Variants in RHOBTB3 observed in about 807,000 individuals in gnomAD.
RHOBTB3 encodes the protein rho-related BTB domain-containing protein 3.
In RHOBTB3, 47 loss-of-function variants were observed where a neutral mutation model predicts 67.2. The observed-to-expected ratio is 0.70, with a 90% confidence interval of 0.55 to 0.89. RHOBTB3 has a LOEUF of 0.89. Ranked by LOEUF, RHOBTB3 falls within the 40% of genes least tolerant of loss-of-function variation. The pLI is 0.00. For synonymous variants in RHOBTB3, 273 were observed against 274.2 expected, an observed-to-expected ratio of 1.00 and a Z score of 0.04; for missense variants, 631 against 750.0, an observed-to-expected ratio of 0.84 and a Z score of 1.85.
rs1318083661 is a variant in RHOBTB3, at chr5:95,755,635, A to G, written c.922A>G (p.Ile308Val). 1.7e-5 allele frequency: 28 copies of G among 1,614,184 alleles called. No homozygotes were observed. Among genetic ancestry groups the G allele is most frequent in the East Asian group, 1.1e-4 (5 of 44,886 alleles). The change falls in exon 6 of 12, where the codon ATA becomes GTA. Residue 308 changes from isoleucine to valine, a missense_variant. Ile to Val is a conservative substitution (Grantham distance 29, BLOSUM62 3). Coordinates refer to ENST00000379982, the MANE Select transcript of RHOBTB3 (RefSeq NM_014899.4). ...IIRTTQDLFAINRDTAFPGAS... is the reference protein window; with the variant it reads ...IIRTTQDLFAVNRDTAFPGAS... ...CCGAACTACCCAGGATCTTTTTGCT[A>G]TAAACAGAGATACTGCATTTCCAGG...
chr5:95,777,638 T>C lies in RHOBTB3; in HGVS notation c.1283-2614T>C, dbSNP rs1377735827. On this transcript the variant is annotated intron_variant, in intron 8 of 11. Transcript: ENST00000379982. ...CCGCATTATGTTCCTTCAGCATATTTTTATATACAGTGTTGAAAGATCTAA... is the reference window on the plus strand; with the variant it reads ...CCGCATTATGTTCCTTCAGCATATTCTTATATACAGTGTTGAAAGATCTAA... Among the ~76,000 whole-genome samples the C allele has an allele frequency of 3.3e-5, 5 of 152,352 alleles. No homozygotes were observed. In the South Asian group the frequency reaches 8.3e-4, roughly 25 times the overall value.
chr5:95,789,828 G>A (rs552303842), intron 11 of RHOBTB3, among the ~76,000 whole-genome samples: 18 of 152,166 alleles, frequency 1.2e-4, no homozygotes, highest in Middle Eastern at 3.4e-3. Context: ...ATTTTACTTC[G>A]TAAAAAAGAC....
intron 3 of RHOBTB3, among the ~76,000 whole-genome samples, chr5:95,739,636 G>A (rs891584840): frequency 1.3e-5 from 2 of 152,068 alleles, no homozygotes; most frequent in African/African-American, 4.8e-5. Flanking sequence ...CTGCAACCTG[G>A]ACCTCCTGGG....
In RHOBTB3 at chr5:95,793,249, C is replaced by A; in HGVS notation, c.*75C>A. 3 of 962,624 alleles carry A rather than the reference C, an allele frequency of 3.1e-6. No individual in the cohort carries two copies. The highest frequency in any genetic ancestry group is 3.3e-5 in the South Asian group (2 of 61,514). 59.6% of individuals were successfully genotyped at this position (962,624 alleles called of 1,614,324 possible). On this transcript the variant is annotated 3_prime_UTR_variant, in exon 12 of 12. Transcript: ENST00000379982. ...GATACCTCCAGGTTCCAGTAAAATTCTTCTGACCGAAACCAATGTGGGTGT... is the reference window on the plus strand; with the variant it reads ...GATACCTCCAGGTTCCAGTAAAATTATTCTGACCGAAACCAATGTGGGTGT...
At chr5:95,749,351 T>A (rs151292875) in intron 4 of RHOBTB3, among the ~76,000 whole-genome samples, 91 of 152,350 alleles carry the variant, frequency 6.0e-4, no homozygotes, top group African/African-American at 2.0e-3. Context: ...GTTAAAATGT[T>A]GAGGTTCCAC....
chr5:95,730,922 G>GA (rs751072811), upstream of RHOBTB3: 1 of 459,224 alleles, frequency 2.2e-6, no homozygotes, highest in South Asian at 1.5e-5. Flanking sequence ...TCAAGGCCAA[G>GA]AGGGGGGGAA....
At chr5:95,778,673 A>G (rs1745962639) in intron 8 of RHOBTB3, among the ~76,000 whole-genome samples, 1 of 152,236 alleles carries the variant, frequency 6.6e-6, no homozygotes, top group Non-Finnish European at 1.5e-5. Context: ...TCATGCTTCT[A>G]ATTTTTAAAA....
At chr5:95,737,133 T>C (rs1386830799) in intron 3 of RHOBTB3, 58 bp downstream of exon 3, 18 of 1,160,878 alleles carry the variant, frequency 1.6e-5, no homozygotes, top group Non-Finnish European at 2.2e-5. Flanking sequence ...ATACTTTAAA[T>C]AGTGCTAAGT....
rs1214266823 is a variant in RHOBTB3 at position 95,731,423 on chromosome 5, C to T, written c.-260C>T. The T allele has an allele frequency of 1.1e-5, 13 of 1,194,002 alleles. No individual in the cohort carries two copies. The highest frequency in any genetic ancestry group is 1.3e-5 in the Non-Finnish European group (13 of 966,586). 74.0% of individuals were successfully genotyped at this position (1,194,002 alleles called of 1,614,324 possible). A position where few individuals can be genotyped will look rare whatever the true frequency, so the allele number is the denominator to read the frequency against. ...TCCACTTGGGGCTGTGCGGCGGTCC[C>T]GCGCCCGGCGATGTTCCCGGGCACT... On this transcript the variant is annotated 5_prime_UTR_variant, in exon 1 of 12. Coordinates refer to ENST00000379982, the MANE Select transcript of RHOBTB3 (RefSeq NM_014899.4).
Position 95,731,915 on chromosome 5 carries a change from G to A in RHOBTB3, c.59G>A (p.Arg20Gln), listed in dbSNP as rs17855649. Residue 20 changes from arginine to glutamine, a missense_variant, in exon 2 of 12, where the codon CGG (arginine) becomes CAG (glutamine). Transcript: ENST00000379982. ...GGGGACACATTCCACCAGGACAACC[G>A]GCCGTCGGGGCTTATCCGCACTTAC... ...NEGDTFHQDN[R>Q]PSGLIRTYLG... The A allele has an allele frequency of 5.0e-6, 8 of 1,613,976 alleles. No individual in the cohort carries two copies. The highest frequency in any genetic ancestry group is 1.7e-5 in the Admixed American group (1 of 60,012).
chr5:95,731,869 A>T lies in RHOBTB3; in HGVS notation c.13A>T (p.Ile5Phe). The T allele has an allele frequency of 1.2e-6, 2 of 1,612,818 alleles. No individual in the cohort carries two copies. Among genetic ancestry groups the T allele is most frequent in the Non-Finnish European group, 1.7e-6 (2 of 1,179,094 alleles). ...CCTCTGTCCGTGCAGGTCCATCCAC[A>T]TCGTGGCGCTGGGGAACGAGGGGGA... MSIHIVALGNEGDTF... is the reference protein window; with the variant it reads MSIHFVALGNEGDTF... The change falls in exon 2 of 12, where the codon ATC becomes TTC. Residue 5 changes from isoleucine (I) to phenylalanine (F), a missense_variant. Ile to Phe is a conservative substitution (Grantham distance 21). Coordinates refer to ENST00000379982, the MANE Select transcript of RHOBTB3 (RefSeq NM_014899.4).
intron 9 of RHOBTB3, among the ~76,000 whole-genome samples, chr5:95,783,288 A>T (rs977833611): frequency 7.7e-6 from 1 of 130,286 alleles, no homozygotes; most frequent in South Asian, 2.3e-4. Flanking sequence ...CACCTGGCTA[A>T]TTTTTTTTTA....
chr5:95,778,692 C>G (rs1745963038), intron 8 of RHOBTB3, among the ~76,000 whole-genome samples: 1 of 152,264 alleles, frequency 6.6e-6, no homozygotes, highest in South Asian at 2.1e-4. Flanking sequence ...AAATATAGTG[C>G]CCTATTTATC....
At chr5:95,777,077 C>A (rs6871987) in intron 8 of RHOBTB3, among the ~76,000 whole-genome samples, 3,736 of 151,964 alleles carry the variant, frequency 0.025, 141 homozygotes, top group African/African-American at 0.085. Context: ...GTTGTTTTGG[C>A]GTGTAAAAAA....
chr5:95,722,298 TAG>T (rs1388317249), intron 1 of RHOBTB3, among the ~76,000 whole-genome samples: 66 of 152,172 alleles, frequency 4.3e-4, no homozygotes, highest in African/African-American at 1.5e-3. Context: ...TTTAATATAT[TAG>T]AGTTTGTTGG....
At chr5:95,771,494 C>T (rs528554935) in intron 8 of RHOBTB3, among the ~76,000 whole-genome samples, 6 of 152,146 alleles carry the variant, frequency 3.9e-5, no homozygotes, top group Admixed American at 3.9e-4. Context: ...AGTAGGGCAG[C>T]AAGAGTGACC....
intron 8 of RHOBTB3, among the ~76,000 whole-genome samples, chr5:95,774,867 T>A (rs1745821272): frequency 6.6e-6 from 1 of 152,200 alleles, no homozygotes; most frequent in African/African-American, 2.4e-5. Context: ...ATCCATTGAA[T>A]CTTTTAGTAT....
At chr5:95,751,191 C>G (rs1034188368) in intron 4 of RHOBTB3, 11 of 152,056 alleles carry the variant, frequency 7.2e-5, no homozygotes, top group Non-Finnish European at 1.6e-4. Flanking sequence ...GAGAAGAAAG[C>G]GAAGTTTCCT....
intron 10 of RHOBTB3, among the ~76,000 whole-genome samples, chr5:95,784,527 G>A (rs138046137): frequency 1.5e-3 from 231 of 152,162 alleles, no homozygotes; most frequent in African/African-American, 4.0e-3. Flanking sequence ...ATGTGTACAT[G>A]CTTCTTCTGG....
Sources: gnomAD v4.1 joint callset for allele counts (sites outside exome capture counted in the v4.1 genomes callset) on GRCh38, gnomAD v4.1.1 for gene constraint, MANE v1.5 for transcripts, NCBI Gene and HGNC (gene_info 2026-07-23, HGNC 2026-07-21) for gene names.